The following ORC3 variants were observed in gnomAD, a reference collection of about 807,000 sequenced individuals.
The protein encoded by ORC3 is homolog of latheo, Drosophila.
In ORC3, 78 loss-of-function variants were observed where a neutral mutation model predicts 100.7. The observed-to-expected ratio is 0.77, with a 90% CI of 0.65 to 0.94. The LOEUF is 0.94. Among genes scored for constraint, ORC3 ranks in the 40% least tolerant of loss-of-function variants. The probability of loss-of-function intolerance (pLI) is 0.00; values close to 1 mark genes in which losing one functional copy is unlikely to be tolerated. For synonymous variants in ORC3, 295 were observed against 289.3 expected (o/e 1.02, Z -0.20); for missense variants, 789 against 823.9 (o/e 0.96, Z 0.52).
intron 16 of ORC3, among the ~76,000 whole-genome samples, chr6:87,659,987 G>C (rs1770062613): frequency 1.3e-5 from 2 of 151,976 alleles, no homozygotes; most frequent in Admixed American, 6.5e-5. Context: ...TCCTGTTCTT[G>C]TAGAGTCTAG....
At position 87,665,791 on chromosome 6, in the gene ORC3, A is replaced by T. The variant is rs1383040746; in HGVS notation, c.1988A>T (p.Asp663Val). The change falls in exon 19 of 20, where the codon GAT becomes GTT. Residue 663 changes from aspartate (D) to valine (V), a missense_variant. Transcript: ENST00000392844. The part of the protein sequence containing the change: ...ATVVTAAEKM[D>V]ANSATSEEMN... ...GTTGTGACAGCTGCTGAAAAAATGG[A>T]TGCAAATTCTGCAACCTCAGAAGAA... 1 of 1,612,340 alleles carries T rather than the reference A, an allele frequency of 6.2e-7. No homozygotes were observed. The highest frequency in any genetic ancestry group is 8.5e-7 in the Non-Finnish European group (1 of 1,178,688).
At chr6:87,634,807 C>T (rs544007985) in intron 11 of ORC3, 38 bp from the exon 12 acceptor site, 24 of 991,590 alleles carry the variant, frequency 2.4e-5, no homozygotes, top group Non-Finnish European at 3.9e-5. Flanking sequence ...CTTTTATTAG[C>T]TGACTTACAT....
chr6:87,605,838 C>T (rs1174725674), intron 4 of ORC3, 79 bp from the exon 5 acceptor site: 7 of 739,644 alleles, frequency 9.5e-6, no homozygotes, highest in African/African-American at 1.8e-5. Context: ...TACTTGTTTG[C>T]TTGATATGTT....
At chr6:87,669,188 A>G (rs900111986), downstream of ORC3, among the ~76,000 whole-genome samples, 2 of 152,080 alleles carry the variant, frequency 1.3e-5, no homozygotes, top group African/African-American at 2.4e-5. Flanking sequence ...GCTAGATGAA[A>G]TATATCTCAA....
intron 8 of ORC3, among the ~76,000 whole-genome samples, chr6:87,615,504 A>G (rs1345205186): frequency 6.6e-6 from 1 of 152,214 alleles, no homozygotes; most frequent in Admixed American, 6.5e-5. Flanking sequence ...TAGACACTTT[A>G]AGGAAAATGT....
In ORC3 at chr6:87,621,958, A is replaced by G; in HGVS notation, c.1130A>G (p.Glu377Gly). 1 of 1,605,250 alleles carries G rather than the reference A, an allele frequency of 6.2e-7. No individual in the cohort carries two copies. Among genetic ancestry groups the G allele is most frequent in the Non-Finnish European group, 8.5e-7 (1 of 1,173,894 alleles). ...RRLPSFRRYVEKQASEKQVAL... is the reference protein window; with the variant it reads ...RRLPSFRRYVGKQASEKQVAL... ...AATGGTGAAAATTCTAGGTACGTGG[A>G]AAAGCAAGCTTCAGAAAAGCAAGTT... Residue 377 changes from glutamate to glycine, a missense_variant, in exon 11 of 20, where the codon GAA (glutamate) becomes GGA (glycine). Glu to Gly is a moderately conservative substitution (Grantham distance 98). This residue lies in a region of ORC3 where 366 missense variants were observed against 394.2 expected (regional missense o/e 0.93). Transcript: ENST00000392844.
the ORC3 span, chr6:87,675,213 C>T: frequency 4.0e-3 from 873 of 216,758 alleles, 7 homozygotes; most frequent in African/African-American, 0.018. Context: ...GGTTACAGCT[C>T]GGTTGTAGTG....
downstream of ORC3, among the ~76,000 whole-genome samples, chr6:87,671,082 G>C (rs1002604042): frequency 1.3e-5 from 2 of 152,142 alleles, no homozygotes; most frequent in African/African-American, 2.4e-5. Flanking sequence ...GTAGAGTGCA[G>C]GTAATTTAGG....
chr6:87,609,734 T>C (rs1177148161), intron 7 of ORC3, among the ~76,000 whole-genome samples: 2 of 151,976 alleles, frequency 1.3e-5, no homozygotes, highest in Non-Finnish European at 2.9e-5. Flanking sequence ...GTATTTTTAG[T>C]AGAAACAGAG....
At position 87,623,045 on chromosome 6, in the gene ORC3, G is replaced by A. The variant is rs141708855; in HGVS notation, c.1185+1032G>A. 5.9e-3 allele frequency among the ~76,000 whole-genome samples: 892 copies of A among 152,244 alleles called. 5 individuals carry two copies. The highest frequency in any genetic ancestry group is 0.018 in the African/African-American group (768 of 41,542). ...AAAGATGAGTTTTGGTAATACATAC[G>A]ATTTTCAGATTTTGAACAAGAGAAT... On this transcript the variant is annotated intron_variant, in intron 11 of 19. Coordinates refer to ENST00000392844, the MANE Select transcript of ORC3 (RefSeq NM_012381.4).
chr6:87,611,696 C>T (rs1339094546), intron 7 of ORC3, among the ~76,000 whole-genome samples: 1 of 151,682 alleles, frequency 6.6e-6, no homozygotes, highest in Non-Finnish European at 1.5e-5. Flanking sequence ...GCAGGAGAAT[C>T]GCTTGAACCC....
At chr6:87,645,984 C>CTTTTTTTT (rs747686139) in intron 13 of ORC3, among the ~76,000 whole-genome samples, 14 of 127,002 alleles carry the variant, frequency 1.1e-4, no homozygotes, top group Middle Eastern at 4.0e-3. Context: ...CTTTTTTTTT[C>CTTTTTTTT]TTTTTTTTTT....
At chr6:87,594,573 G>A (rs1160342102) in intron 2 of ORC3, 166 bp downstream of exon 2, 6 of 1,275,114 alleles carry the variant, frequency 4.7e-6, no homozygotes, top group African/African-American at 1.5e-5. Context: ...GGACACCCCA[G>A]GGCTCTAATT....
downstream of ORC3, among the ~76,000 whole-genome samples, chr6:87,669,698 G>A (rs1770790987): frequency 6.6e-6 from 1 of 152,160 alleles, no homozygotes; most frequent in South Asian, 2.1e-4. Flanking sequence ...CAATATTCTA[G>A]TCATTCTTCT....
At chr6:87,590,219 G>A in intron 1 of ORC3, 27 bp downstream of exon 1, 1 of 1,610,742 alleles carries the variant, frequency 6.2e-7, no homozygotes, top group African/African-American at 1.3e-5. Context: ...GCGCACTGTG[G>A]CTCTACCGCT....
intron 1 of ORC3, among the ~76,000 whole-genome samples, chr6:87,590,532 CAG>C (rs1277395044): frequency 6.6e-6 from 1 of 152,180 alleles, no homozygotes; most frequent in Non-Finnish European, 1.5e-5. Context: ...GTAAACAAAA[CAG>C]ATTCAGTTTC....
intron 14 of ORC3, among the ~76,000 whole-genome samples, chr6:87,654,852 A>G (rs1769546782): frequency 6.6e-6 from 1 of 152,208 alleles, no homozygotes; most frequent in Non-Finnish European, 1.5e-5. Flanking sequence ...ATTAGAGTTC[A>G]TATAATATGA....
intron 16 of ORC3, among the ~76,000 whole-genome samples, 168 bp from the exon 17 acceptor site, chr6:87,662,835 A>G (rs1770298517): frequency 6.6e-6 from 1 of 152,140 alleles, no homozygotes. Flanking sequence ...TTTGGTTGTT[A>G]ATTTTGCTTT....
At chr6:87,648,279 A>G (rs191354899) in intron 13 of ORC3, among the ~76,000 whole-genome samples, 1 of 152,346 alleles carries the variant, frequency 6.6e-6, no homozygotes, top group Non-Finnish European at 1.5e-5. Flanking sequence ...AAGTGAAAAA[A>G]TAAGTATTTT....
Sources: gnomAD v4.1 joint callset for allele counts (sites outside exome capture counted in the v4.1 genomes callset) on GRCh38, gnomAD v4.1.1 for gene constraint, gnomAD v4.1.1 regional missense constraint, MANE v1.5 for transcripts, NCBI Gene and HGNC (gene_info 2026-07-23, HGNC 2026-07-21) for gene names.